EQTN: variants seen among roughly 807,000 people sequenced by gnomAD.
The protein encoded by EQTN is Acrosome formation associated factor.
Under a neutral mutation model 26.9 loss-of-function variants are expected in EQTN, and 29 were observed. The ratio of observed to expected loss-of-function variants is 1.08; its 90% CI spans 0.80 to 1.47. EQTN has a LOEUF of 1.47. Ranked by LOEUF, EQTN falls within the 40% of genes most tolerant of loss-of-function variation. The probability of loss-of-function intolerance (pLI) is 0.00; values close to 1 mark genes in which losing one functional copy is unlikely to be tolerated. For missense variants in EQTN, 391 were observed against 346.1 expected (o/e 1.13, Z -1.03); for synonymous variants, 129 against 120.0 (o/e 1.07, Z -0.49).
In EQTN at chr9:27,292,863, G is replaced by C. The variant is rs147273568; in HGVS notation, c.290-376C>G. Reference sequence around the variant, plus strand: ...CTTTGTCCAGAGCAGCTTGGCTGCTGTTCAGTGTAACGACGCAAGAAAGGG... The same window carrying C: ...CTTTGTCCAGAGCAGCTTGGCTGCTCTTCAGTGTAACGACGCAAGAAAGGG... On this transcript the variant is annotated intron_variant, in intron 3 of 7. Transcript: ENST00000380032. Among the ~76,000 whole-genome samples the C allele has an allele frequency of 7.9e-3, 1,202 of 152,306 alleles. 16 individuals are homozygous for C. Among genetic ancestry groups the C allele is most frequent in the African/African-American group, 0.027 (1,143 of 41,574 alleles).
At chr9:27,287,216 A>G (rs1421777399) in intron 6 of EQTN, among the ~76,000 whole-genome samples, 1 of 152,186 alleles carries the variant, frequency 6.6e-6, no homozygotes, top group East Asian at 1.9e-4. Flanking sequence ...TTTAGGTGAT[A>G]AGCAATGACA....
At position 27,292,363 on chromosome 9, in the gene EQTN, A is replaced by AT. The variant is rs147923701; in HGVS notation, c.376+37dup. On this transcript the variant is annotated intron_variant, in intron 4 of 7. Transcript: ENST00000380032. ...TTAAATTTTTAAGTCACATAATGAT[A>AT]TTCTCCAGGTATGAATACAGTGTAG... 0.01 allele frequency: 14,200 copies of AT among 1,356,666 alleles called. 762 individuals are homozygous for AT. The African/African-American group carries it at 0.14, about 14-fold the overall frequency. 84.0% of individuals were successfully genotyped at this position (1,356,666 alleles called of 1,614,324 possible).
At chr9:27,286,081 G>A (rs1239321024) in intron 7 of EQTN, 128 bp downstream of exon 7, 5 of 942,486 alleles carry the variant, frequency 5.3e-6, no homozygotes, top group Admixed American at 2.5e-5. Context: ...TAGGGTAAAT[G>A]GAATCAATTT....
At position 27,292,481 on chromosome 9, in the gene EQTN, GT is replaced by G; in HGVS notation, c.295del (p.Thr99LeufsTer40). 6.3e-7 allele frequency: 1 copy of G among 1,594,034 alleles called. No homozygotes were observed. On this transcript the variant is annotated frameshift_variant, in exon 4 of 8. Coordinates refer to ENST00000380032, the MANE Select transcript of EQTN (RefSeq NM_020641.3). LOFTEE classifies it high-confidence loss of function. ...DLNFALKNDK[T>X]VNATTYEKST... ...TTTTTCATATGTAGTTGCATTGACAGTTTTATCTAGGAAAAGGGAAAAAGAA... is the reference window on the plus strand; with the variant it reads ...TTTTTCATATGTAGTTGCATTGACAGTTTATCTAGGAAAAGGGAAAAAGAA...
intron 4 of EQTN, 35 bp downstream of exon 4, chr9:27,292,366 C>G: frequency 2.2e-6 from 3 of 1,372,980 alleles, no homozygotes; most frequent in Non-Finnish European, 3.1e-6. Flanking sequence ...TAATGATATT[C>G]TCCAGGTATG....
At chr9:27,285,160 T>C (rs1489234736) in intron 7 of EQTN, among the ~76,000 whole-genome samples, 188 bp from the exon 8 acceptor site, 3 of 105,224 alleles carry the variant, frequency 2.9e-5, no homozygotes, top group South Asian at 3.1e-4. Flanking sequence ...TTTTTTTTTT[T>C]TTGAGACAGA....
At chr9:27,289,627 G>C (rs377383408) in intron 6 of EQTN, 45 bp downstream of exon 6, 4 of 1,516,002 alleles carry the variant, frequency 2.6e-6, no homozygotes, top group Admixed American at 1.8e-5. Context: ...TGGGATTATA[G>C]GCATTAGCCA....
chr9:27,289,441 G>T (rs577724924), intron 6 of EQTN, among the ~76,000 whole-genome samples: 5 of 152,222 alleles, frequency 3.3e-5, no homozygotes, highest in East Asian at 3.9e-4. Context: ...GAAGTACTTT[G>T]GTTCATTTGT....
At chr9:27,286,509 G>A in intron 6 of EQTN, 147 bp from the exon 7 acceptor site, 1 of 751,826 alleles carries the variant, frequency 1.3e-6, no homozygotes, top group South Asian at 1.8e-5. Flanking sequence ...GCAATGCAAA[G>A]GAGAAAGCTA....
intron 7 of EQTN, 127 bp downstream of exon 7, chr9:27,286,082 G>A (rs1820112749): frequency 2.1e-6 from 2 of 937,594 alleles, no homozygotes; most frequent in South Asian, 1.7e-5. Context: ...AGGGTAAATG[G>A]AATCAATTTG....
chr9:27,285,949 G>T (rs1425554617), intron 7 of EQTN, among the ~76,000 whole-genome samples: 1 of 152,142 alleles, frequency 6.6e-6, no homozygotes, highest in Non-Finnish European at 1.5e-5. Context: ...ATATAAAAAA[G>T]AGCATATCTA....
At chr9:27,292,538 T>C in intron 3 of EQTN, 51 bp from the exon 4 acceptor site, 1 of 1,051,368 alleles carries the variant, frequency 9.5e-7, no homozygotes, top group Non-Finnish European at 1.4e-6. Flanking sequence ...TGACGAAACA[T>C]CTGAGAATAG....
rs369271107 is a variant in EQTN, at chr9:27,291,062, T to C, written c.378A>G (p.Arg126=). The C allele has an allele frequency of 2.5e-6, 4 of 1,610,110 alleles. No individual in the cohort carries two copies. In the East Asian group the frequency reaches 8.9e-5, roughly 36 times the overall value. The part of the protein sequence containing the change: ...TSEPSHKNIQ[R]STPNVPAFWT... The stretch of plus-strand genomic sequence containing the variant: ...AAAATGCAGGCACGTTTGGGGTTGA[T>C]CCTGTTAAAACAAAACAAAACACAA... The change falls in exon 5 of 8, where the codon AGA becomes AGG. Residue 126 remains arginine, a splice_region_variant and synonymous_variant. Transcript: ENST00000380032.
In EQTN at chr9:27,286,196, T is replaced by C; in HGVS notation, c.635+13A>G. The C allele has an allele frequency of 6.2e-7, 1 of 1,612,700 alleles. No individual in the cohort carries two copies. Among genetic ancestry groups the C allele is most frequent in the Non-Finnish European group, 8.5e-7 (1 of 1,179,118 alleles). On this transcript the variant is annotated intron_variant, in intron 7 of 7. Coordinates refer to ENST00000380032, the MANE Select transcript of EQTN (RefSeq NM_020641.3). ...GCATTTGTTGTAAAGACTGCAGAGG[T>C]CTGCAGACTTACCTCAGATGCCTCA...
chr9:27,284,795 C>A lies in EQTN; in HGVS notation c.813G>T (p.Lys271Asn), dbSNP rs756940811. The A allele has an allele frequency of 3.1e-6, 5 of 1,613,962 alleles. No individual in the cohort carries two copies. Among genetic ancestry groups the A allele is most frequent in the Admixed American group, 1.7e-5 (1 of 59,992 alleles). Residue 271 changes from lysine to asparagine, a missense_variant, in exon 8 of 8, where the codon AAG (lysine) becomes AAT (asparagine). Lys to Asn is a moderately conservative substitution (Grantham distance 94, BLOSUM62 0). Coordinates refer to ENST00000380032, the MANE Select transcript of EQTN (RefSeq NM_020641.3). ...RRSGTRTSES[K>N]IMTDIISIGS... ...CTATGGAAATGATATCCGTCATTAT[C>A]TTAGATTCTGATGTTCTTGTGCCTG... is the stretch of plus-strand genomic sequence containing the variant.
intron 7 of EQTN, 138 bp downstream of exon 7, chr9:27,286,071 T>C (rs1174995247): frequency 1.2e-6 from 1 of 853,510 alleles, no homozygotes; most frequent in African/African-American, 1.7e-5. Flanking sequence ...TCCATCCGAA[T>C]AGGGTAAATG....
chr9:27,284,914 A>G lies in EQTN; in HGVS notation c.694T>C (p.Phe232Leu). The G allele has an allele frequency of 6.2e-7, 1 of 1,614,180 alleles. No homozygotes were observed. Among genetic ancestry groups the G allele is most frequent in the Non-Finnish European group, 8.5e-7 (1 of 1,180,008 alleles). ...VNPELATMSY[F>L]HPSEGVSDTS... ...TCTGAAACACCTTCTGATGGATGAA[A>G]GTAAGACATCGTGGCCAGCTCTGGG... is the stretch of plus-strand genomic sequence containing the variant. Residue 232 changes from phenylalanine (F) to leucine (L), a missense_variant, in exon 8 of 8, where the codon TTT becomes CTT. Physicochemically the swap from Phe to Leu is conservative, Grantham distance 22 (BLOSUM62 0). Coordinates refer to ENST00000380032, the MANE Select transcript of EQTN (RefSeq NM_020641.3).
intron 4 of EQTN, 197 bp downstream of exon 4, chr9:27,292,204 C>T (rs755178232): frequency 2.9e-5 from 10 of 348,516 alleles, no homozygotes; most frequent in Admixed American, 4.7e-5. Flanking sequence ...GCTCATTTCT[C>T]ATCCTTTGTC....
At chr9:27,291,576 TCA>T (rs1820235689) in intron 4 of EQTN, among the ~76,000 whole-genome samples, 1 of 152,142 alleles carries the variant, frequency 6.6e-6, no homozygotes, top group Admixed American at 6.5e-5. Context: ...TGGAAAATTT[TCA>T]CAGTGGCCAG....
Sources: allele counts gnomAD v4.1 joint callset (sites outside exome capture counted in the v4.1 genomes callset), GRCh38; gene constraint gnomAD v4.1.1; transcripts MANE v1.5; gene names NCBI Gene and HGNC (gene_info 2026-07-23, HGNC 2026-07-21).